The following HERC4 variants were observed in gnomAD, a reference collection of about 807,000 sequenced individuals.
HERC4 encodes HECT and RLD domain containing E3 ubiquitin protein ligase 4.
In HERC4, 28 loss-of-function variants were observed where a neutral mutation model predicts 124.3. The observed-to-expected ratio is 0.23, with a 90% CI of 0.17 to 0.31. The LOEUF (loss-of-function observed/expected upper bound fraction) is 0.31. Ranked by LOEUF, HERC4 falls within the 10% of genes least tolerant of loss-of-function variation. HERC4 has a pLI of 1.00. For synonymous variants in HERC4, 407 were observed against 421.5 expected, an observed-to-expected ratio of 0.97 and a Z score of 0.42; for missense variants, 713 against 1,229.3, an observed-to-expected ratio of 0.58 and a Z score of 6.28.
intron 15 of HERC4, among the ~76,000 whole-genome samples, chr10:67,975,296 G>A (rs2132558178): frequency 6.6e-6 from 1 of 152,174 alleles, no homozygotes; most frequent in Non-Finnish European, 1.5e-5. Flanking sequence ...CTTATGAAAT[G>A]TATACTATTA....
chr10:67,942,497 C>T (rs1485149176), intron 19 of HERC4, among the ~76,000 whole-genome samples: 4 of 151,930 alleles, frequency 2.6e-5, no homozygotes, highest in Non-Finnish European at 5.9e-5. Flanking sequence ...TTTCCTCTAC[C>T]CCCGTTCCAG....
At chr10:68,064,759 T>C (rs1589465988) in intron 3 of HERC4, among the ~76,000 whole-genome samples, 1 of 151,596 alleles carries the variant, frequency 6.6e-6, no homozygotes. Context: ...GATCACAAGG[T>C]CAGGAGTTTG....
intron 1 of HERC4, chr10:68,074,260 T>C (rs997522165): frequency 6.6e-6 from 1 of 152,210 alleles, no homozygotes; most frequent in Non-Finnish European, 1.5e-5. Context: ...GTCAGCCTTA[T>C]TCTGTAGCAG....
intron 3 of HERC4, among the ~76,000 whole-genome samples, chr10:68,059,090 A>G (rs922038529): frequency 6.6e-6 from 1 of 152,044 alleles, no homozygotes; most frequent in African/African-American, 2.4e-5. Flanking sequence ...ATTACTCTCT[A>G]CACCTTGCTC....
intron 9 of HERC4, among the ~76,000 whole-genome samples, chr10:68,003,256 G>A (rs2037339258): frequency 6.6e-6 from 1 of 150,936 alleles, no homozygotes; most frequent in African/African-American, 2.4e-5. Flanking sequence ...CCGGGTTCAT[G>A]CCATTCTCTT....
intron 21 of HERC4, among the ~76,000 whole-genome samples, chr10:67,938,480 A>G (rs1316869571): frequency 2.6e-5 from 4 of 151,852 alleles, no homozygotes; most frequent in Non-Finnish European, 4.4e-5. Flanking sequence ...GGAAAAGAAA[A>G]CTGAAGGTTT....
At chr10:68,060,112 T>C (rs909567764) in intron 3 of HERC4, among the ~76,000 whole-genome samples, 15 of 150,858 alleles carry the variant, frequency 9.9e-5, no homozygotes, top group African/African-American at 3.7e-4. Context: ...GCAGGATAGA[T>C]ACAAGACTTT....
At position 68,032,885 on chromosome 10, in the gene HERC4, A is replaced by T. The variant is rs2039280094; in HGVS notation, c.686-16T>A. ...ACATACCTATCTGAAAATTCCAACAAGAGATGTTAATAGTATTTTAAAAAT... is the reference window on the plus strand; with the variant it reads ...ACATACCTATCTGAAAATTCCAACATGAGATGTTAATAGTATTTTAAAAAT... On this transcript the variant is annotated splice_polypyrimidine_tract_variant and intron_variant, in intron 6 of 24. Coordinates refer to ENST00000373700, the MANE Select transcript of HERC4 (RefSeq NM_015601.4). 3.2e-6 allele frequency: 4 copies of T among 1,258,586 alleles called. No homozygotes were observed. The highest frequency in any genetic ancestry group is 1.2e-5 in the South Asian group (1 of 83,808). The allele number at this position is 1,258,586 out of a possible 1,614,324, so 78.0% of individuals were successfully genotyped here.
chr10:68,010,323 C>G (rs1443485523), intron 9 of HERC4: 3 of 929,262 alleles, frequency 3.2e-6, no homozygotes, highest in Non-Finnish European at 5.1e-6. Context: ...AAAATGGGAG[C>G]CTGGGGCACC....
At chr10:68,017,349 C>T (rs1165071210) in intron 8 of HERC4, among the ~76,000 whole-genome samples, 1 of 152,212 alleles carries the variant, frequency 6.6e-6, no homozygotes, top group Non-Finnish European at 1.5e-5. Flanking sequence ...TAAATAAAAG[C>T]TGCTCCAGAT....
At chr10:67,934,965 G>GT (rs564960902) in intron 22 of HERC4, among the ~76,000 whole-genome samples, 5,640 of 140,858 alleles carry the variant, frequency 0.04, 359 homozygotes, top group African/African-American at 0.14. Context: ...TTTCAAATGA[G>GT]TTTTTTTTTT....
chr10:67,969,284 G>A (rs1210113370), intron 15 of HERC4, among the ~76,000 whole-genome samples: 3 of 152,148 alleles, frequency 2.0e-5, no homozygotes, highest in Non-Finnish European at 4.4e-5. Flanking sequence ...GAGAGAAAGA[G>A]GAAACTACTA....
intron 9 of HERC4, chr10:68,010,778 C>T: frequency 6.7e-7 from 1 of 1,499,728 alleles, no homozygotes; most frequent in Non-Finnish European, 9.2e-7. Flanking sequence ...CAGGGTAAGC[C>T]CCACATCAGC....
chr10:67,982,679 T>C (rs1387201642), intron 15 of HERC4, among the ~76,000 whole-genome samples: 2 of 151,962 alleles, frequency 1.3e-5, no homozygotes, highest in Non-Finnish European at 2.9e-5. Flanking sequence ...ACAAACAGAA[T>C]GGGAGGAAAT....
intron 15 of HERC4, among the ~76,000 whole-genome samples, chr10:67,968,404 G>A (rs369782527): frequency 1.5e-4 from 22 of 150,084 alleles, no homozygotes; most frequent in African/African-American, 4.9e-4. Flanking sequence ...ACAAAGTCTC[G>A]CTCTCTTGCC....
At chr10:68,069,344 T>A (rs1329292254) in intron 3 of HERC4, 1 of 983,746 alleles carries the variant, frequency 1.0e-6, no homozygotes, top group Non-Finnish European at 1.2e-6. Flanking sequence ...GAAAAAAACA[T>A]GAAAGTGAAA....
chr10:67,994,182 AT>A (rs2036720406), intron 9 of HERC4: 4 of 152,330 alleles, frequency 2.6e-5, no homozygotes. Context: ...AAAAGGGTAA[AT>A]CTTTATTAAA....
chr10:68,059,694 A>G (rs1418175734), intron 3 of HERC4, among the ~76,000 whole-genome samples: 1 of 68,970 alleles, frequency 1.4e-5, no homozygotes, highest in Non-Finnish European at 2.1e-5. Flanking sequence ...AATATTATAT[A>G]TTATAATATT....
intron 9 of HERC4, chr10:67,993,075 T>TG (rs1425933069): frequency 6.5e-6 from 1 of 154,498 alleles, no homozygotes; most frequent in Non-Finnish European, 1.4e-5. Flanking sequence ...CGAGGCACAG[T>TG]GGCTCATGCC....
Sources: allele counts gnomAD v4.1 joint callset (sites outside exome capture counted in the v4.1 genomes callset), GRCh38; gene constraint gnomAD v4.1.1; transcripts MANE v1.5; gene names NCBI Gene and HGNC (gene_info 2026-07-23, HGNC 2026-07-21).